Variants in FOXP2 observed in about 807,000 individuals in gnomAD.
FOXP2 encodes the protein forkhead box protein P2.
Under a neutral mutation model 115.8 loss-of-function variants are expected in FOXP2, and 12 were observed. The observed-to-expected ratio is 0.10, with a 90% confidence interval of 0.07 to 0.17. The LOEUF (loss-of-function observed/expected upper bound fraction) is 0.17, where lower values mean the gene tolerates loss of function less well. Ranked by LOEUF, FOXP2 falls within the 10% of genes least tolerant of loss-of-function variation. FOXP2 has a pLI of 1.00. For missense variants in FOXP2, 629 were observed against 843.5 expected, an observed-to-expected ratio of 0.75 and a Z score of 3.15; for synonymous variants, 328 against 297.7, an observed-to-expected ratio of 1.10 and a Z score of -1.05.
chr7:114,335,948 G>A (rs970958220), intron 2 of FOXP2, among the ~76,000 whole-genome samples: 1 of 151,724 alleles, frequency 6.6e-6, no homozygotes, highest in African/African-American at 2.4e-5. Context: ...GATGTTTAAA[G>A]ATGAACCAAG....
chr7:114,633,783 A>G (rs573710918), intron 6 of FOXP2, among the ~76,000 whole-genome samples: 2 of 152,330 alleles, frequency 1.3e-5, no homozygotes, highest in South Asian at 4.1e-4. Flanking sequence ...GGGAAAAAGT[A>G]AAGAAATATT....
chr7:114,452,932 CT>C (rs1395118211), intron 2 of FOXP2, among the ~76,000 whole-genome samples: 1 of 152,094 alleles, frequency 6.6e-6, no homozygotes, highest in African/African-American at 2.4e-5. Context: ...CTTATGTTAA[CT>C]GCCTTCTCTT....
chr7:114,359,314 A>C (rs1372894148), intron 2 of FOXP2, among the ~76,000 whole-genome samples: 1 of 152,238 alleles, frequency 6.6e-6, no homozygotes, highest in Non-Finnish European at 1.5e-5. Flanking sequence ...GAATGCCTGC[A>C]TGTCCAGGCA....
intron 3 of FOXP2, 37 bp from the exon 4 acceptor site, chr7:114,628,503 A>G (rs1248508204): frequency 1.9e-6 from 3 of 1,613,242 alleles, no homozygotes; most frequent in East Asian, 2.2e-5. Flanking sequence ...TTTGGTTATG[A>G]CCACGAATTT....
At chr7:114,659,291 T>C (rs1229366544) in intron 11 of FOXP2, 65 bp from the exon 12 acceptor site, 1 of 1,190,600 alleles carries the variant, frequency 8.4e-7, no homozygotes, top group African/African-American at 1.5e-5. Flanking sequence ...AGAGGAAATA[T>C]GAAAATTCAA....
intron 2 of FOXP2, among the ~76,000 whole-genome samples, chr7:114,369,549 A>G (rs1791954689): frequency 6.6e-6 from 1 of 152,152 alleles, no homozygotes; most frequent in African/African-American, 2.4e-5. Flanking sequence ...AAAAAAGGAT[A>G]TGAAGTCCCA....
chr7:114,509,278 G>GT (rs891609740), intron 2 of FOXP2, among the ~76,000 whole-genome samples: 2 of 147,776 alleles, frequency 1.4e-5, no homozygotes, highest in Non-Finnish European at 3.0e-5. Context: ...TTGTTTGTTT[G>GT]TTTTTTGTTT....
chr7:114,096,605 T>C (rs1458148089), intron 1 of FOXP2, among the ~76,000 whole-genome samples: 1 of 152,202 alleles, frequency 6.6e-6, no homozygotes, highest in Non-Finnish European at 1.5e-5. Context: ...CCTGAAAACA[T>C]CTCATTCCCA....
At position 114,520,541 on chromosome 7, in the gene FOXP2, G is replaced by A. The variant is rs376763681; in HGVS notation, c.169-14076G>A. Among the ~76,000 whole-genome samples the A allele has an allele frequency of 7.2e-5, 11 of 152,008 alleles. No homozygotes were observed. The East Asian group carries it at 1.9e-3, about 27-fold the overall frequency. On this transcript the variant is annotated intron_variant, in intron 2 of 16. Coordinates refer to ENST00000350908, the MANE Select transcript of FOXP2 (RefSeq NM_014491.4). ...TACATTAATAAATATTAATTTGATAGACTTAATAAAGGAGTTAGAAAATAA... is the reference window on the plus strand; with the variant it reads ...TACATTAATAAATATTAATTTGATAAACTTAATAAAGGAGTTAGAAAATAA...
Position 114,266,781 on chromosome 7 carries a change from T to G in FOXP2, c.-101-21238T>G, listed in dbSNP as rs901463115. 2.0e-5 allele frequency among the ~76,000 whole-genome samples: 3 copies of G among 152,186 alleles called. No individual in the cohort carries two copies. The South Asian group carries it at 6.2e-4, about 32-fold the overall frequency. Reference sequence around the variant, plus strand: ...TTGAGCTTTGTTATTTCCACTGAACTTCATATATTTTAGGATAGACACTCA... The same window carrying G: ...TTGAGCTTTGTTATTTCCACTGAACGTCATATATTTTAGGATAGACACTCA... On this transcript the variant is annotated intron_variant, in intron 1 of 17. Transcript: ENST00000634411.
chr7:114,144,700 G>T (rs1350347276), intron 1 of FOXP2, among the ~76,000 whole-genome samples: 1 of 152,028 alleles, frequency 6.6e-6, no homozygotes, highest in African/African-American at 2.4e-5. Flanking sequence ...GAGCCATGCT[G>T]GTTCAGAAGT....
intron 2 of FOXP2, among the ~76,000 whole-genome samples, chr7:114,385,806 C>CCCAAGATGGTGGCGAGCCACTT (rs888020550): frequency 6.6e-6 from 1 of 152,038 alleles, no homozygotes; most frequent in Non-Finnish European, 1.5e-5. Flanking sequence ...TCACAGAGCT[C>CCCAAGATGGTGGCGAGCCACTT]CCAAGATGGT....
rs1554426487 is a variant in FOXP2 at position 114,176,298 on chromosome 7, T to TTCTCTCTCTCTCTCTC, written c.-102+13218_-102+13233dup. On this transcript the variant is annotated intron_variant, in intron 1 of 17. Transcript: ENST00000634411. ...TTTCTTTCTTTCTTTCTTTCTTTCT[T>TTCTCTCTCTCTCTCTC]TCTCTCTCTCTCTCTCTCTCTCTTT... Among the ~76,000 whole-genome samples, 9 of 76,512 alleles carry TTCTCTCTCTCTCTCTC rather than the reference T, an allele frequency of 1.2e-4. 1 individual carries two copies. The highest frequency in any genetic ancestry group is 3.8e-4 in the African/African-American group (7 of 18,458). 50.2% of individuals were successfully genotyped at this position (76,512 alleles called of 152,430 possible). A position where few individuals can be genotyped will look rare whatever the true frequency, so the allele number is the denominator to read the frequency against.
intron 3 of FOXP2, among the ~76,000 whole-genome samples, chr7:114,568,509 T>C (rs1251509059): frequency 6.6e-6 from 1 of 151,700 alleles, no homozygotes; most frequent in Non-Finnish European, 1.5e-5. Context: ...ATTTGGGAAA[T>C]ATTTGAGATA....
At chr7:114,449,737 G>A (rs993195253) in intron 2 of FOXP2, among the ~76,000 whole-genome samples, 9 of 151,974 alleles carry the variant, frequency 5.9e-5, no homozygotes, top group Non-Finnish European at 7.4e-5. Flanking sequence ...ACCTCAATCC[G>A]TATAATTTTA....
intron 2 of FOXP2, among the ~76,000 whole-genome samples, chr7:114,367,032 A>T (rs1017369920): frequency 6.6e-6 from 1 of 152,172 alleles, no homozygotes; most frequent in Admixed American, 6.6e-5. Context: ...TATGTAGAGC[A>T]TGTGCATTGT....
intron 2 of FOXP2, among the ~76,000 whole-genome samples, chr7:114,351,646 A>C (rs188943438): frequency 1.3e-3 from 201 of 152,250 alleles, no homozygotes; most frequent in African/African-American, 4.6e-3. Flanking sequence ...TAAAATGTTA[A>C]ATCTGTGCTC....
intron 3 of FOXP2, among the ~76,000 whole-genome samples, chr7:114,570,426 A>G (rs898042457): frequency 6.6e-6 from 1 of 151,878 alleles, no homozygotes; most frequent in Non-Finnish European, 1.5e-5. Context: ...AAAATTATTG[A>G]TGATTACATT....
At chr7:114,300,058 TCA>T (rs1252241390) in intron 2 of FOXP2, among the ~76,000 whole-genome samples, 3 of 150,662 alleles carry the variant, frequency 2.0e-5, no homozygotes, top group East Asian at 1.9e-4. Context: ...GTACACACAC[TCA>T]CACACACACA....
Sources: allele counts gnomAD v4.1 joint callset (sites outside exome capture counted in the v4.1 genomes callset), GRCh38; gene constraint gnomAD v4.1.1; transcripts MANE v1.5; gene names NCBI Gene and HGNC (gene_info 2026-07-23, HGNC 2026-07-21).